The following ADCY7 variants were observed in gnomAD, a reference collection of about 807,000 sequenced individuals.
ADCY7 encodes adenylate cyclase type 7.
In ADCY7, 72 loss-of-function variants were observed where a neutral mutation model predicts 120.6. That is an observed-to-expected ratio of 0.60 (90% CI 0.49 to 0.73). The LOEUF (loss-of-function observed/expected upper bound fraction) is 0.73. Ranked by LOEUF, ADCY7 falls within the 30% of genes least tolerant of loss-of-function variation. The pLI, the probability that ADCY7 is intolerant of heterozygous loss-of-function variation, is 0.00. For missense variants in ADCY7, 1,227 were observed against 1,486.0 expected (o/e 0.83, Z 2.87); for synonymous variants, 661 against 628.0 (o/e 1.05, Z -0.78).
rs183874622 is a variant in ADCY7, at chr16:50,314,433, G to T, written c.2971+27G>T. On this transcript the variant is annotated intron_variant, in intron 24 of 25. Transcript: ENST00000673801. ...TGAGCCCGGGTGATGGAGCGGGGTGGGGAGCCCCTGCCTCTAGGCCAGTCC... is the reference window on the plus strand; with the variant it reads ...TGAGCCCGGGTGATGGAGCGGGGTGTGGAGCCCCTGCCTCTAGGCCAGTCC... 1,612 of 1,583,118 alleles carry T rather than the reference G, an allele frequency of 1.0e-3. 2 individuals are homozygous for T. The highest frequency in any genetic ancestry group is 1.2e-3 in the Non-Finnish European group (1,390 of 1,156,154).
In ADCY7 at chr16:50,315,003, A is replaced by G; in HGVS notation, c.2972-11A>G. ...CCTGCACGCTTGGGTAACTGTAAACATCATCTTCAGGCATAAACCATGGGC... is the reference window on the plus strand; with the variant it reads ...CCTGCACGCTTGGGTAACTGTAAACGTCATCTTCAGGCATAAACCATGGGC... On this transcript the variant is annotated splice_polypyrimidine_tract_variant and intron_variant, in intron 24 of 25. Coordinates refer to ENST00000673801, the MANE Select transcript of ADCY7 (RefSeq NM_001114.5). 4 of 1,614,096 alleles carry G rather than the reference A, an allele frequency of 2.5e-6. No individual in the cohort carries two copies. Among genetic ancestry groups the G allele is most frequent in the Non-Finnish European group, 3.4e-6 (4 of 1,179,974 alleles).
chr16:50,313,784 G>C, intron 22 of ADCY7, 174 bp from the exon 23 acceptor site: 1 of 593,250 alleles, frequency 1.7e-6, no homozygotes. Flanking sequence ...GAGCCGCCAA[G>C]GGCCATGTCC....
chr16:50,311,799 G>GCCCC lies in ADCY7; in HGVS notation c.2448+26_2448+29dup, dbSNP rs376981269. Reference sequence around the variant, plus strand: ...ACTCTCCAGACAGGTAAGGAGGCTGGCCCCCCCCCCCCCCCCAAGCTCTGC... The same window carrying GCCCC: ...ACTCTCCAGACAGGTAAGGAGGCTGGCCCCCCCCCCCCCCCCCCCCAAGCTCTGC... On this transcript the variant is annotated intron_variant, in intron 20 of 25. Coordinates refer to ENST00000673801, the MANE Select transcript of ADCY7 (RefSeq NM_001114.5). The GCCCC allele has an allele frequency of 1.8e-5, 16 of 895,432 alleles. No individual in the cohort carries two copies. In the East Asian group the frequency reaches 2.8e-4, roughly 16 times the overall value. 55.5% of individuals were successfully genotyped at this position (895,432 alleles called of 1,614,324 possible).
At chr16:50,250,456 CAAAA>C (rs34443362) in intron 1 of ADCY7, among the ~76,000 whole-genome samples, 2 of 69,150 alleles carry the variant, frequency 2.9e-5, no homozygotes, top group Non-Finnish European at 5.7e-5. Flanking sequence ...GACTCTATCT[CAAAA>C]AAAAAAAAAA....
At chr16:50,301,426 A>G (rs1465833713) in intron 10 of ADCY7, among the ~76,000 whole-genome samples, 1 of 152,194 alleles carries the variant, frequency 6.6e-6, no homozygotes, top group Non-Finnish European at 1.5e-5. Context: ...GTGATGGGAA[A>G]ACAGCGCCTG....
rs920579337 is a variant in ADCY7 at position 50,289,590 on chromosome 16, C to T, written c.172-867C>T. Among the ~76,000 whole-genome samples, 14 of 152,230 alleles carry T rather than the reference C, an allele frequency of 9.2e-5. No individual in the cohort carries two copies. In the East Asian group the frequency reaches 1.2e-3, roughly 13 times the overall value. ...AAGTGATTCTCCTGCCTCAGCCTCC[C>T]GAGTAGCTGGGATTACAGGCCCATG... is the stretch of plus-strand genomic sequence containing the variant. On this transcript the variant is annotated intron_variant, in intron 2 of 25. Transcript: ENST00000673801.
chr16:50,286,385 A>G (rs1017440237), intron 1 of ADCY7, among the ~76,000 whole-genome samples: 12 of 144,698 alleles, frequency 8.3e-5, no homozygotes, highest in African/African-American at 3.1e-4. Flanking sequence ...GGCTATGATC[A>G]CACCACTTCA....
At chr16:50,299,607 C>T (rs1013991139) in intron 8 of ADCY7, among the ~76,000 whole-genome samples, 1 of 152,208 alleles carries the variant, frequency 6.6e-6, no homozygotes, top group African/African-American at 2.4e-5. Flanking sequence ...TGGGGCTGCC[C>T]GTCCTGGATA....
At chr16:50,315,307 T>C in intron 25 of ADCY7, 52 bp from the exon 26 acceptor site, 1 of 1,587,096 alleles carries the variant, frequency 6.3e-7, no homozygotes, top group Non-Finnish European at 8.6e-7. Context: ...GTCCCTACCA[T>C]GACAGGTGTT....
intron 1 of ADCY7, among the ~76,000 whole-genome samples, chr16:50,275,038 G>A (rs572831825): frequency 3.3e-5 from 5 of 152,338 alleles, no homozygotes; most frequent in East Asian, 1.9e-4. Context: ...CAGGAAATTC[G>A]ACAGGAGCCC....
chr16:50,273,357 C>T (rs750316741), intron 1 of ADCY7, among the ~76,000 whole-genome samples: 64 of 152,322 alleles, frequency 4.2e-4, no homozygotes, highest in Non-Finnish European at 8.7e-4. Context: ...TGCTTTCCTG[C>T]CTTCCCCTTC....
At chr16:50,269,083 T>C (rs2033396509) in intron 1 of ADCY7, among the ~76,000 whole-genome samples, 1 of 152,210 alleles carries the variant, frequency 6.6e-6, no homozygotes, top group Non-Finnish European at 1.5e-5. Flanking sequence ...TCCGACTCGA[T>C]GGTTGCACTG....
At chr16:50,309,697 C>T (rs1242924253) in intron 18 of ADCY7, 51 bp downstream of exon 18, 3 of 1,510,442 alleles carry the variant, frequency 2.0e-6, no homozygotes, top group Non-Finnish European at 2.7e-6. Context: ...GGGGCTGCTG[C>T]TGCCAGAGGT....
In ADCY7 at chr16:50,304,509, G is replaced by C; in HGVS notation, c.1518G>C (p.Val506=). 3 of 1,593,424 alleles carry C rather than the reference G, an allele frequency of 1.9e-6. No homozygotes were observed. The highest frequency in any genetic ancestry group is 2.6e-6 in the Non-Finnish European group (3 of 1,170,260). ...CACATCTCAACCACCGTGAGAGCGTGAGCAGTGGTGAGACCCACGTCCCCA... is the reference window on the plus strand; with the variant it reads ...CACATCTCAACCACCGTGAGAGCGTCAGCAGTGGTGAGACCCACGTCCCCA... The part of the protein sequence containing the change: ...PFAHLNHRES[V]SSGETHVPNG... The change falls in exon 11 of 26, where the codon GTG becomes GTC. Residue 506 remains valine, a synonymous_variant. Transcript: ENST00000673801.
intron 16 of ADCY7, 75 bp from the exon 17 acceptor site, chr16:50,308,592 T>C (rs2036236928): frequency 6.4e-7 from 1 of 1,561,422 alleles, no homozygotes. Context: ...AGGATACCCC[T>C]CCCCAGGCTG....
chr16:50,301,001 A>C lies in ADCY7; in HGVS notation c.1236-81A>C, dbSNP rs1596949548. The C allele has an allele frequency of 2.6e-6, 4 of 1,561,890 alleles. No individual in the cohort carries two copies. The East Asian group carries it at 9.3e-5, about 36-fold the overall frequency. On this transcript the variant is annotated intron_variant, in intron 9 of 25. Transcript: ENST00000673801. ...ATGTAGAAAAGCTGGCCTGGGGCCC[A>C]GGCCTGCCTGCTGTGCATCCCTGGG...
intron 2 of ADCY7, among the ~76,000 whole-genome samples, 167 bp downstream of exon 2, chr16:50,288,517 A>T (rs1207295037): frequency 6.7e-4 from 102 of 152,244 alleles, no homozygotes; most frequent in Non-Finnish European, 7.4e-5. Flanking sequence ...TCACTCTGTC[A>T]CCCAGGCTGG....
rs377341140 is a variant in ADCY7 at position 50,304,920 on chromosome 16, T to C, written c.1561-5T>C. 81 of 1,613,480 alleles carry C rather than the reference T, an allele frequency of 5.0e-5. No homozygotes were observed. The highest frequency in any genetic ancestry group is 6.5e-5 in the Non-Finnish European group (77 of 1,179,996). On this transcript the variant is annotated splice_region_variant and splice_polypyrimidine_tract_variant and intron_variant, in intron 11 of 25. Coordinates refer to ENST00000673801, the MANE Select transcript of ADCY7 (RefSeq NM_001114.5). Reference sequence around the variant, plus strand: ...GACTGTATCCTTTCCTCCCTTCCCTTTCAGAGCGTTCCCCAGCGCCACCGC... The same window carrying C: ...GACTGTATCCTTTCCTCCCTTCCCTCTCAGAGCGTTCCCCAGCGCCACCGC...
upstream of ADCY7, among the ~76,000 whole-genome samples, chr16:50,264,154 C>G (rs554642434): frequency 6.6e-6 from 1 of 152,230 alleles, no homozygotes; most frequent in Non-Finnish European, 1.5e-5. Context: ...TAGAGGCAAC[C>G]GCTGTCTTGC....
Sources: allele counts gnomAD v4.1 joint callset (sites outside exome capture counted in the v4.1 genomes callset), GRCh38; gene constraint gnomAD v4.1.1; transcripts MANE v1.5; gene names NCBI Gene and HGNC (gene_info 2026-07-23, HGNC 2026-07-21).